Variants in PRKCA observed in about 807,000 individuals in gnomAD.
PRKCA encodes the protein protein kinase C alpha type.
A neutral mutation model predicts 87.0 loss-of-function variants in PRKCA; 27 were observed. The observed-to-expected ratio is 0.31, with a 90% CI of 0.23 to 0.43. The LOEUF (loss-of-function observed/expected upper bound fraction) is 0.43, where lower values mean the gene tolerates loss of function less well. Ranked by LOEUF, PRKCA falls within the 20% of genes least tolerant of loss-of-function variation. PRKCA has a pLI of 1.00. For missense variants in PRKCA, 518 were observed against 852.3 expected (o/e 0.61, Z 4.88); for synonymous variants, 329 against 311.1 (o/e 1.06, Z -0.61).
At chr17:66,679,383 G>T (rs182842921) in intron 5 of PRKCA, among the ~76,000 whole-genome samples, 8 of 152,068 alleles carry the variant, frequency 5.3e-5, no homozygotes, top group Non-Finnish European at 1.0e-4. Flanking sequence ...GGGTTTCACC[G>T]TGTTAGCCAG....
intron 14 of PRKCA, among the ~76,000 whole-genome samples, chr17:66,784,826 G>C (rs1179982285): frequency 2.0e-5 from 3 of 152,114 alleles, no homozygotes; most frequent in Non-Finnish European, 4.4e-5. Flanking sequence ...TGTCCCTGCT[G>C]ACACAGGTGG....
chr17:66,475,101 T>G (rs1035897673), intron 2 of PRKCA, among the ~76,000 whole-genome samples: 1 of 152,230 alleles, frequency 6.6e-6, no homozygotes, highest in African/African-American at 2.4e-5. Flanking sequence ...TTGCAAGCTG[T>G]CTTCCCTTTC....
At position 66,484,525 on chromosome 17, in the gene PRKCA, C is replaced by T. The variant is rs182868528; in HGVS notation, c.206-11676C>T. Among the ~76,000 whole-genome samples the T allele has an allele frequency of 1.4e-3, 208 of 152,224 alleles. 3 individuals are homozygous for T. The highest frequency in any genetic ancestry group is 1.8e-3 in the Non-Finnish European group (122 of 67,982). On this transcript the variant is annotated intron_variant, in intron 2 of 16. Transcript: ENST00000413366. Reference sequence around the variant, plus strand: ...TAAAAGTAACTTATTTCCCAGGTTTCTTATTTTTTCTGACCAGCTCTTTGT... The same window carrying T: ...TAAAAGTAACTTATTTCCCAGGTTTTTTATTTTTTCTGACCAGCTCTTTGT...
intron 2 of PRKCA, among the ~76,000 whole-genome samples, chr17:66,390,616 C>T (rs537012493): frequency 6.6e-6 from 1 of 152,218 alleles, no homozygotes; most frequent in South Asian, 2.1e-4. Flanking sequence ...TCAAATTGAC[C>T]CTCTTGGTGA....
In PRKCA at chr17:66,352,809, G is replaced by A. The variant is rs560201375; in HGVS notation, c.205+46682G>A. 7.9e-5 allele frequency among the ~76,000 whole-genome samples: 12 copies of A among 151,964 alleles called. No homozygotes were observed. The South Asian group carries it at 2.1e-3, about 26-fold the overall frequency. ...GAACTCCTGACCTTGTGATCCGCCC[G>A]CCTCTACCTTCCAAAGTGCTGGGAT... is the stretch of plus-strand genomic sequence containing the variant. On this transcript the variant is annotated intron_variant, in intron 2 of 16. Transcript: ENST00000413366.
At chr17:66,645,262 A>T in intron 4 of PRKCA, 121 bp from the exon 5 acceptor site, 1 of 1,374,732 alleles carries the variant, frequency 7.3e-7, no homozygotes, top group Non-Finnish European at 9.9e-7. Flanking sequence ...CACCAAAAAC[A>T]TTATAGCAAA....
intron 3 of PRKCA, among the ~76,000 whole-genome samples, chr17:66,561,547 G>T (rs561734708): frequency 3.8e-4 from 58 of 152,260 alleles, no homozygotes; most frequent in African/African-American, 1.4e-3. Flanking sequence ...GTATGATCCA[G>T]CAATTACACT....
chr17:66,393,902 C>T (rs1200875523), intron 2 of PRKCA, among the ~76,000 whole-genome samples: 1 of 151,952 alleles, frequency 6.6e-6, no homozygotes, highest in Non-Finnish European at 1.5e-5. Flanking sequence ...GGTGAAAGCC[C>T]ATCTCTACTA....
chr17:66,369,175 G>A (rs1169108406), intron 2 of PRKCA, among the ~76,000 whole-genome samples: 1 of 152,210 alleles, frequency 6.6e-6, no homozygotes, highest in South Asian at 2.1e-4. Context: ...GAAGGCCCAG[G>A]TAAAACCTGT....
chr17:66,551,579 C>T (rs533423702), intron 3 of PRKCA, among the ~76,000 whole-genome samples: 20 of 152,304 alleles, frequency 1.3e-4, no homozygotes, highest in Non-Finnish European at 2.6e-4. Flanking sequence ...AGGAGTGACA[C>T]CCCATCACTT....
chr17:66,630,906 T>A (rs1308250696), intron 3 of PRKCA, among the ~76,000 whole-genome samples: 1 of 152,192 alleles, frequency 6.6e-6, no homozygotes, highest in African/African-American at 2.4e-5. Flanking sequence ...GTGTTATTAT[T>A]TAAAATATTT....
At chr17:66,374,753 G>A (rs115717499) in intron 2 of PRKCA, among the ~76,000 whole-genome samples, 1,565 of 132,314 alleles carry the variant, frequency 0.012, 28 homozygotes, top group African/African-American at 0.043. Context: ...TCTGAGACAC[G>A]GTCTTGCTCT....
At chr17:66,566,191 A>G (rs989470062) in intron 3 of PRKCA, among the ~76,000 whole-genome samples, 2 of 152,096 alleles carry the variant, frequency 1.3e-5, no homozygotes, top group Non-Finnish European at 2.9e-5. Context: ...GGCCCCTTTC[A>G]GATCTGCTGA....
intron 2 of PRKCA, among the ~76,000 whole-genome samples, chr17:66,468,272 T>A (rs1915174374): frequency 6.6e-6 from 1 of 152,234 alleles, no homozygotes; most frequent in Non-Finnish European, 1.5e-5. Flanking sequence ...TTTTTTGAAA[T>A]GAACTTGTCT....
At chr17:66,733,458 A>G (rs1020650030) in intron 9 of PRKCA, among the ~76,000 whole-genome samples, 5 of 152,168 alleles carry the variant, frequency 3.3e-5, no homozygotes, top group African/African-American at 1.2e-4. Context: ...TGTAACATGC[A>G]TCTTATGTTC....
At chr17:66,729,757 G>C (rs969011976) in intron 8 of PRKCA, among the ~76,000 whole-genome samples, 1 of 147,416 alleles carries the variant, frequency 6.8e-6, no homozygotes, top group Admixed American at 6.8e-5. Flanking sequence ...CCTGAGACTT[G>C]ATCCCTGTAT....
intron 14 of PRKCA, among the ~76,000 whole-genome samples, chr17:66,784,722 C>T (rs1474184665): frequency 6.6e-6 from 1 of 152,214 alleles, no homozygotes; most frequent in Non-Finnish European, 1.5e-5. Context: ...GGATGACCTG[C>T]ACTGTAGCTC....
chr17:66,739,609 A>C (rs1455954883), intron 11 of PRKCA, among the ~76,000 whole-genome samples: 1 of 152,174 alleles, frequency 6.6e-6, no homozygotes, highest in South Asian at 2.1e-4. Flanking sequence ...GCCCCTAAAA[A>C]TCGGGGAGAG....
chr17:66,804,216 C>A lies in PRKCA; in HGVS notation c.*179C>A. Reference sequence around the variant, plus strand: ...CTGTTCAGGGTCTCTCTCTTACAACCAAGAACATTATCTTAGTGGAAGATG... The same window carrying A: ...CTGTTCAGGGTCTCTCTCTTACAACAAAGAACATTATCTTAGTGGAAGATG... On this transcript the variant is annotated 3_prime_UTR_variant, in exon 17 of 17. Transcript: ENST00000413366. The A allele has an allele frequency of 2.5e-6, 2 of 791,970 alleles. No individual in the cohort carries two copies. The highest frequency in any genetic ancestry group is 3.7e-6 in the Non-Finnish European group (2 of 534,342). The allele number at this position is 791,970 out of a possible 1,614,324, so 49.1% of individuals were successfully genotyped here.
Sources: gnomAD v4.1 joint callset for allele counts (sites outside exome capture counted in the v4.1 genomes callset) on GRCh38, gnomAD v4.1.1 for gene constraint, MANE v1.5 for transcripts, NCBI Gene and HGNC (gene_info 2026-07-23, HGNC 2026-07-21) for gene names.